The following RALGAPB variants were observed in gnomAD, a reference collection of about 807,000 sequenced individuals.
The protein encoded by RALGAPB is Ral GTPase activating protein non-catalytic subunit beta, also known as ral GTPase-activating protein subunit beta.
RALGAPB carries 25 observed loss-of-function variants against 161.1 expected under a neutral mutation model. The observed-to-expected ratio is 0.16, with a 90% CI of 0.11 to 0.22. The LOEUF is 0.22. Among genes scored for constraint, RALGAPB ranks in the 10% least tolerant of loss-of-function variants. The pLI is 1.00. For synonymous variants in RALGAPB, 629 were observed against 626.1 expected, an observed-to-expected ratio of 1.00 and a Z score of -0.07; for missense variants, 1,391 against 1,815.2, an observed-to-expected ratio of 0.77 and a Z score of 4.25.
intron 6 of RALGAPB, among the ~76,000 whole-genome samples, chr20:38,515,742 T>G (rs916414038): frequency 2.7e-5 from 4 of 150,644 alleles, no homozygotes; most frequent in African/African-American, 7.4e-5. Context: ...TTTTTTTCTT[T>G]TTTTCCTGAG....
intron 23 of RALGAPB, among the ~76,000 whole-genome samples, chr20:38,560,670 C>T (rs1202375820): frequency 6.6e-6 from 1 of 152,148 alleles, no homozygotes; most frequent in African/African-American, 2.4e-5. Context: ...CCTGCCTGTA[C>T]AAGAAGACAC....
chr20:38,540,696 T>C (rs1372151407), intron 17 of RALGAPB, among the ~76,000 whole-genome samples: 1 of 152,166 alleles, frequency 6.6e-6, no homozygotes, highest in Non-Finnish European at 1.5e-5. Context: ...ATGGTGTCTG[T>C]CTCTCTGTGG....
intron 1 of RALGAPB, among the ~76,000 whole-genome samples, chr20:38,484,006 T>G (rs1373983000): frequency 6.6e-6 from 1 of 151,864 alleles, no homozygotes; most frequent in African/African-American, 2.4e-5. Context: ...CTGGCCAATA[T>G]GGTGAATACT....
Position 38,473,019 on chromosome 20 carries a change from G to T in RALGAPB, c.-81G>T, listed in dbSNP as rs1233224836. ...TCGCGTGAGGCGGAAGGCCGAGGAC[G>T]GCCGGCGGCGGCGCCCGCCCCGGCG... On this transcript the variant is annotated 5_prime_UTR_variant, in exon 1 of 30. Transcript: ENST00000262879. 5.1e-6 allele frequency: 2 copies of T among 392,466 alleles called. No homozygotes were observed. Among genetic ancestry groups the T allele is most frequent in the East Asian group, 7.2e-5 (2 of 27,642 alleles). The allele number at this position is 392,466 out of a possible 1,614,324, so 24.3% of individuals were successfully genotyped here.
rs1325916379 is a variant in RALGAPB, at chr20:38,576,826, G to A, written c.*1859G>A. On this transcript the variant is annotated 3_prime_UTR_variant, in exon 30 of 30. Transcript: ENST00000262879. ...AGCAGAGAAGGCTATAAATTAATAT[G>A]TAACTTACAGCATTCCAGAGGTTAA... 1 of 152,624 alleles carries A rather than the reference G, an allele frequency of 6.6e-6. No individual in the cohort carries two copies. The highest frequency in any genetic ancestry group is 6.5e-5 in the Admixed American group (1 of 15,282). 9.5% of individuals were successfully genotyped at this position (152,624 alleles called of 1,614,324 possible).
chr20:38,559,782 A>C (rs2087724084), intron 23 of RALGAPB, among the ~76,000 whole-genome samples: 1 of 152,216 alleles, frequency 6.6e-6, no homozygotes, highest in Non-Finnish European at 1.5e-5. Context: ...AAAATGTAAG[A>C]TAGGTGAGAA....
intron 10 of RALGAPB, among the ~76,000 whole-genome samples, chr20:38,524,434 G>A (rs764932239): frequency 6.6e-6 from 1 of 152,130 alleles, no homozygotes; most frequent in Admixed American, 6.5e-5. Flanking sequence ...CTTATTTGCA[G>A]GCCCCTAGAA....
chr20:38,511,783 C>T (rs2085964028), intron 6 of RALGAPB, among the ~76,000 whole-genome samples: 1 of 152,208 alleles, frequency 6.6e-6, no homozygotes, highest in Non-Finnish European at 1.5e-5. Context: ...CCCACATTTC[C>T]CGCTTTTCTA....
chr20:38,535,356 C>G, intron 16 of RALGAPB, 149 bp downstream of exon 16: 1 of 970,806 alleles, frequency 1.0e-6, no homozygotes, highest in Middle Eastern at 3.3e-4. Context: ...AATTTAGCCT[C>G]CAAGTGATAT....
chr20:38,507,669 C>T (rs1056273873), intron 5 of RALGAPB, among the ~76,000 whole-genome samples: 11 of 151,878 alleles, frequency 7.2e-5, no homozygotes, highest in Non-Finnish European at 8.8e-5. Context: ...CAGGCGTGAG[C>T]CACTATGCCA....
At chr20:38,521,816 T>TATTTCA in intron 10 of RALGAPB, 118 bp downstream of exon 10, 1 of 1,029,116 alleles carries the variant, frequency 9.7e-7, no homozygotes, top group Non-Finnish European at 1.4e-6. Context: ...TGTCTGTAAG[T>TATTTCA]GATCGACATT....
intron 6 of RALGAPB, among the ~76,000 whole-genome samples, chr20:38,510,542 A>G (rs1192938903): frequency 6.6e-6 from 1 of 152,198 alleles, no homozygotes; most frequent in Non-Finnish European, 1.5e-5. Context: ...AAAAACCTCA[A>G]CGAAACCTTC....
chr20:38,508,012 CAT>C (rs1332741845), intron 5 of RALGAPB, among the ~76,000 whole-genome samples: 2 of 151,580 alleles, frequency 1.3e-5, no homozygotes, highest in East Asian at 1.9e-4. Context: ...TATGGTATGT[CAT>C]AAATTCTAAA....
intron 14 of RALGAPB, among the ~76,000 whole-genome samples, chr20:38,531,518 G>T (rs1389537090): frequency 6.6e-6 from 1 of 152,140 alleles, no homozygotes; most frequent in Non-Finnish European, 1.5e-5. Flanking sequence ...TTGTTTTGCT[G>T]TGGTGGCAAA....
At chr20:38,506,249 AT>A (rs1477651046) in intron 5 of RALGAPB, among the ~76,000 whole-genome samples, 3 of 151,632 alleles carry the variant, frequency 2.0e-5, no homozygotes, top group Non-Finnish European at 4.4e-5. Flanking sequence ...TTCTGCGTCA[AT>A]CCCCTATAAT....
At chr20:38,566,383 T>C (rs1226772829) in intron 25 of RALGAPB, among the ~76,000 whole-genome samples, 4 of 152,192 alleles carry the variant, frequency 2.6e-5, no homozygotes, top group African/African-American at 7.2e-5. Flanking sequence ...TCCGTCCTCT[T>C]TGGGGACATA....
At chr20:38,545,094 T>C (rs2087119134) in intron 18 of RALGAPB, among the ~76,000 whole-genome samples, 1 of 152,190 alleles carries the variant, frequency 6.6e-6, no homozygotes, top group Admixed American at 6.5e-5. Flanking sequence ...GCAGCTCTGC[T>C]TTTGGGCAAC....
intron 28 of RALGAPB, 151 bp downstream of exon 28, chr20:38,570,998 C>T: frequency 1.7e-6 from 1 of 585,112 alleles, no homozygotes; most frequent in Non-Finnish European, 2.9e-6. Flanking sequence ...ATACAATGTA[C>T]AAGGTTATCA....
chr20:38,545,951 C>T (rs1369255542), intron 18 of RALGAPB, among the ~76,000 whole-genome samples: 1 of 152,114 alleles, frequency 6.6e-6, no homozygotes, highest in Non-Finnish European at 1.5e-5. Flanking sequence ...CAAATTATAC[C>T]AGCCTAACTG....
Sources: allele counts gnomAD v4.1 joint callset (sites outside exome capture counted in the v4.1 genomes callset), GRCh38; gene constraint gnomAD v4.1.1; transcripts MANE v1.5; gene names NCBI Gene and HGNC (gene_info 2026-07-23, HGNC 2026-07-21).